The following PTPRO variants were observed in gnomAD, a reference collection of about 807,000 sequenced individuals.
PTPRO encodes protein tyrosine phosphatase receptor type O.
Under a neutral mutation model 145.2 loss-of-function variants are expected in PTPRO, and 62 were observed. The ratio of observed to expected loss-of-function variants is 0.43; its 90% CI spans 0.35 to 0.53. PTPRO has a LOEUF of 0.53. Among genes scored for constraint, PTPRO ranks in the 20% least tolerant of loss-of-function variants. PTPRO has a pLI of 0.01. For missense variants in PTPRO, 1,345 were observed against 1,482.7 expected, an observed-to-expected ratio of 0.91 and a Z score of 1.53; for synonymous variants, 565 against 514.7, an observed-to-expected ratio of 1.10 and a Z score of -1.32.
Position 15,322,843 on chromosome 12 carries a change from G to C in PTPRO, c.75+42G>C, listed in dbSNP as rs1324702683. The C allele has an allele frequency of 4.4e-6, 7 of 1,587,226 alleles. No individual in the cohort carries two copies. Among genetic ancestry groups the C allele is most frequent in the Non-Finnish European group, 6.0e-6 (7 of 1,165,768 alleles). ...ACCCCTTTTTCCCAGCGGTCCGGGC[G>C]GCAGCCGCGCTCCGGCGCCCTCGCT... is the stretch of plus-strand genomic sequence containing the variant. On this transcript the variant is annotated intron_variant, in intron 1 of 26. Coordinates refer to ENST00000281171, the MANE Select transcript of PTPRO (RefSeq NM_030667.3). The surrounding 1 kb of genome is among the most constrained non-coding windows in gnomAD (Gnocchi z 6.3).
At chr12:15,583,871 A>C (rs543349553) in intron 23 of PTPRO, among the ~76,000 whole-genome samples, 3 of 152,220 alleles carry the variant, frequency 2.0e-5, no homozygotes, top group Non-Finnish European at 4.4e-5. Flanking sequence ...ACTGGCAGTT[A>C]ACAATGTCTT....
chr12:15,397,384 A>T (rs1177366772), intron 1 of PTPRO, among the ~76,000 whole-genome samples: 2 of 152,206 alleles, frequency 1.3e-5, no homozygotes, highest in African/African-American at 2.4e-5. Flanking sequence ...TTTTATAGAC[A>T]ATACAACCGA....
At chr12:15,403,592 C>T (rs150827433) in intron 1 of PTPRO, among the ~76,000 whole-genome samples, 284 of 152,084 alleles carry the variant, frequency 1.9e-3, no homozygotes, top group Non-Finnish European at 3.1e-3. Flanking sequence ...CAAAAACATA[C>T]AAACAAAAAA....
At chr12:15,487,570 C>T (rs139993681) in intron 2 of PTPRO, among the ~76,000 whole-genome samples, 19 of 152,196 alleles carry the variant, frequency 1.2e-4, no homozygotes, top group African/African-American at 4.6e-4. Context: ...CACCTGTCAC[C>T]CCCATACCCC....
intron 1 of PTPRO, among the ~76,000 whole-genome samples, chr12:15,345,533 G>A (rs1167062455): frequency 1.3e-5 from 2 of 152,052 alleles, no homozygotes; most frequent in African/African-American, 2.4e-5. Context: ...CCACATGTTT[G>A]CGTTCATAAG....
intron 1 of PTPRO, among the ~76,000 whole-genome samples, chr12:15,429,083 C>T (rs1224070872): frequency 3.3e-5 from 5 of 152,184 alleles, no homozygotes; most frequent in East Asian, 1.9e-4. Flanking sequence ...TTGAAGACAA[C>T]GAAGAAAACA....
intron 1 of PTPRO, among the ~76,000 whole-genome samples, chr12:15,424,180 A>T (rs1304885745): frequency 2.0e-5 from 3 of 152,186 alleles, no homozygotes; most frequent in Non-Finnish European, 4.4e-5. Flanking sequence ...ATCTATTCTT[A>T]TTTATTTACA....
At chr12:15,360,773 C>T (rs560160035) in intron 1 of PTPRO, among the ~76,000 whole-genome samples, 11 of 141,668 alleles carry the variant, frequency 7.8e-5, no homozygotes, top group African/African-American at 2.4e-4. Context: ...TGTATATATA[C>T]GTGTGTATAT....
intron 1 of PTPRO, among the ~76,000 whole-genome samples, chr12:15,370,741 T>C (rs1938502593): frequency 6.6e-6 from 1 of 152,176 alleles, no homozygotes; most frequent in South Asian, 2.1e-4. Context: ...AAAATATGCA[T>C]ATATTTAATC....
At chr12:15,567,971 GTTA>G (rs1379482606) in intron 18 of PTPRO, among the ~76,000 whole-genome samples, 6 of 152,116 alleles carry the variant, frequency 3.9e-5, no homozygotes, top group Middle Eastern at 3.2e-3. Flanking sequence ...TTATAAATGA[GTTA>G]TTGTTATTAA....
intron 1 of PTPRO, among the ~76,000 whole-genome samples, chr12:15,472,841 T>A (rs1941572237): frequency 1.3e-5 from 2 of 152,216 alleles, no homozygotes; most frequent in South Asian, 4.1e-4. Flanking sequence ...CTAGCAACTA[T>A]CTTCATGGGG....
chr12:15,396,126 T>G (rs1421576006), intron 1 of PTPRO, among the ~76,000 whole-genome samples: 4 of 152,198 alleles, frequency 2.6e-5, no homozygotes, highest in Non-Finnish European at 5.9e-5. Context: ...TTTTTATTCA[T>G]AGAGTGACTC....
intron 1 of PTPRO, among the ~76,000 whole-genome samples, chr12:15,329,973 A>G (rs2136198355): frequency 6.6e-6 from 1 of 152,338 alleles, no homozygotes; most frequent in Admixed American, 6.5e-5. Context: ...AAAGCATGGC[A>G]GAGTTTAGGA....
At chr12:15,402,012 C>T (rs370683491) in intron 1 of PTPRO, among the ~76,000 whole-genome samples, 3 of 152,024 alleles carry the variant, frequency 2.0e-5, no homozygotes, top group South Asian at 2.1e-4. Flanking sequence ...ATTTGGTATT[C>T]GTTTAACTAA....
At chr12:15,347,700 A>C (rs1246756099) in intron 1 of PTPRO, among the ~76,000 whole-genome samples, 1 of 152,234 alleles carries the variant, frequency 6.6e-6, no homozygotes, top group Non-Finnish European at 1.5e-5. Context: ...AAAAGGACTG[A>C]ACCAGAGACT....
intron 12 of PTPRO, among the ~76,000 whole-genome samples, chr12:15,536,370 A>G (rs918477773): frequency 1.3e-5 from 2 of 152,216 alleles, no homozygotes; most frequent in African/African-American, 4.8e-5. Context: ...GGAGTAAACC[A>G]AAGAGATCAC....
At chr12:15,447,751 A>G (rs1382081837) in intron 1 of PTPRO, among the ~76,000 whole-genome samples, 2 of 34,998 alleles carry the variant, frequency 5.7e-5, no homozygotes, top group African/African-American at 7.1e-5. Context: ...GTTGCATCTT[A>G]TAGTCTTTGA....
intron 6 of PTPRO, among the ~76,000 whole-genome samples, chr12:15,504,656 G>A (rs1020744442): frequency 3.9e-5 from 6 of 152,128 alleles, no homozygotes; most frequent in African/African-American, 9.7e-5. Context: ...CCTCTATAAC[G>A]TGTTTAGCTA....
intron 1 of PTPRO, among the ~76,000 whole-genome samples, chr12:15,442,075 G>A (rs1209840812): frequency 1.3e-5 from 2 of 152,064 alleles, no homozygotes; most frequent in African/African-American, 4.8e-5. Flanking sequence ...CAACATTCCT[G>A]ATGAACATAG....
Sources: allele counts gnomAD v4.1 joint callset (sites outside exome capture counted in the v4.1 genomes callset), GRCh38; gene constraint gnomAD v4.1.1; non-coding constraint Gnocchi (gnomAD v3.1); transcripts MANE v1.5; gene names NCBI Gene and HGNC (gene_info 2026-07-23, HGNC 2026-07-21).